Variants in LINGO2 observed in about 807,000 individuals in gnomAD.
LINGO2 encodes the protein leucine rich repeat and Ig domain containing 2.
A neutral mutation model predicts 30.6 loss-of-function variants in LINGO2; 14 were observed. The ratio of observed to expected loss-of-function variants is 0.46; its 90% CI spans 0.30 to 0.72. The LOEUF (loss-of-function observed/expected upper bound fraction) is 0.72. Among genes scored for constraint, LINGO2 ranks in the 30% least tolerant of loss-of-function variants. LINGO2 has a pLI of 0.07. For synonymous variants in LINGO2, 317 were observed against 288.5 expected (o/e 1.10, Z -1.00); for missense variants, 729 against 751.7 (o/e 0.97, Z 0.35).
upstream of LINGO2, among the ~76,000 whole-genome samples, chr9:28,672,124 C>T (rs936410692): frequency 2.0e-5 from 3 of 151,996 alleles, no homozygotes; most frequent in African/African-American, 4.8e-5. Flanking sequence ...GCTACACTTC[C>T]ATTAGGGGGA....
intron 4 of LINGO2, among the ~76,000 whole-genome samples, chr9:28,219,463 A>G (rs1332032560): frequency 6.6e-6 from 1 of 152,142 alleles, no homozygotes; most frequent in Non-Finnish European, 1.5e-5. Context: ...GTAAAATTTC[A>G]TATTATTGCT....
the LINGO2 span, among the ~76,000 whole-genome samples, chr9:29,075,449 A>G: frequency 6.6e-6 from 1 of 151,984 alleles, no homozygotes; most frequent in African/African-American, 2.4e-5. Context: ...TAATAGCTTT[A>G]ATTTTTTTAA....
chr9:28,189,996 T>C (rs988174839), intron 4 of LINGO2, among the ~76,000 whole-genome samples: 6 of 152,090 alleles, frequency 3.9e-5, no homozygotes, highest in Non-Finnish European at 8.8e-5. Flanking sequence ...CTTAGACAGG[T>C]TGCCATTAAC....
intron 1 of LINGO2, among the ~76,000 whole-genome samples, chr9:28,643,581 T>C (rs1827703575): frequency 6.6e-6 from 1 of 151,974 alleles, no homozygotes; most frequent in Admixed American, 6.6e-5. Context: ...ACCATGAAAC[T>C]ATTACAAGAA....
chr9:29,193,521 C>CT, the LINGO2 span, among the ~76,000 whole-genome samples: 2 of 152,212 alleles, frequency 1.3e-5, no homozygotes, highest in East Asian at 3.9e-4. Flanking sequence ...ATTTGTATGC[C>CT]TTTGAGGTAT....
the LINGO2 span, among the ~76,000 whole-genome samples, chr9:28,984,346 C>T: frequency 2.6e-5 from 4 of 152,054 alleles, no homozygotes; most frequent in Non-Finnish European, 4.4e-5. Context: ...ATTCAAAATG[C>T]TAAAAGTTCT....
chr9:28,741,994 C>T, the LINGO2 span, among the ~76,000 whole-genome samples: 1 of 151,722 alleles, frequency 6.6e-6, no homozygotes, highest in African/African-American at 2.4e-5. Context: ...ACTAAATCTT[C>T]AGGGCATGTC....
intron 4 of LINGO2, among the ~76,000 whole-genome samples, chr9:28,100,976 A>T (rs999909459): frequency 2.1e-4 from 32 of 152,156 alleles, no homozygotes; most frequent in Non-Finnish European, 3.5e-4. Context: ...AGATACACAG[A>T]TAAGGGTAGA....
the LINGO2 span, among the ~76,000 whole-genome samples, chr9:29,034,916 TCCTAC>T: frequency 6.6e-6 from 1 of 152,106 alleles, no homozygotes; most frequent in Admixed American, 6.6e-5. Context: ...TTTTTATTGT[TCCTAC>T]TTTAGAAAGG....
chr9:28,148,873 G>C lies in LINGO2; in HGVS notation c.-86-136468C>G, dbSNP rs1426061005. 13 of 1,533,650 alleles carry C rather than the reference G, an allele frequency of 8.5e-6. No homozygotes were observed. Among genetic ancestry groups the C allele is most frequent in the Non-Finnish European group, 1.0e-5 (12 of 1,146,518 alleles). Reference sequence around the variant, plus strand: ...GCTCTCCAGGCTTGCTGATGGTGGGGGAGGACATGCAGCCCAAGGATCCTG... The same window carrying C: ...GCTCTCCAGGCTTGCTGATGGTGGGCGAGGACATGCAGCCCAAGGATCCTG... On this transcript the variant is annotated intron_variant, in intron 4 of 5. Coordinates refer to ENST00000379992, the Ensembl canonical transcript of LINGO2. This position sits in a 1 kb window ranked among gnomAD's most constrained non-coding sequence, Gnocchi z 5.1.
At chr9:28,383,255 TG>T (rs368423721) in intron 2 of LINGO2, among the ~76,000 whole-genome samples, 99,332 of 129,922 alleles carry the variant, frequency 0.76, 34,642 homozygotes, top group Non-Finnish European at 0.82. Context: ...CACCATTCAT[TG>T]TGTGTGTGTG....
intron 4 of LINGO2, among the ~76,000 whole-genome samples, chr9:28,064,677 C>T (rs1441072417): frequency 6.6e-6 from 1 of 152,016 alleles, no homozygotes; most frequent in Non-Finnish European, 1.5e-5. Flanking sequence ...CAATTAATAC[C>T]CAAGTGAAAC....
the LINGO2 span, among the ~76,000 whole-genome samples, chr9:29,187,761 T>G: frequency 1.3e-5 from 2 of 149,148 alleles, no homozygotes; most frequent in East Asian, 3.9e-4. Context: ...CATCTGAAAA[T>G]GGGAAAGTAT....
the LINGO2 span, among the ~76,000 whole-genome samples, chr9:28,751,288 CAAAAAAA>C: frequency 3.7e-5 from 3 of 82,020 alleles, no homozygotes; most frequent in Non-Finnish European, 4.7e-5. Flanking sequence ...AAGATCCAGT[CAAAAAAA>C]AAAAAAAAAA....
At chr9:28,423,495 C>G (rs1439433515) in intron 2 of LINGO2, among the ~76,000 whole-genome samples, 3 of 152,084 alleles carry the variant, frequency 2.0e-5, no homozygotes, top group Admixed American at 2.0e-4. Context: ...TAAAGAACTA[C>G]ATATGCATCT....
the LINGO2 span, among the ~76,000 whole-genome samples, chr9:28,902,655 A>T: frequency 6.6e-6 from 1 of 152,156 alleles, no homozygotes; most frequent in Non-Finnish European, 1.5e-5. Context: ...AGTCTTAAGA[A>T]ATTTTAAAAG....
At chr9:28,404,609 G>C (rs1312434743) in intron 2 of LINGO2, among the ~76,000 whole-genome samples, 2 of 152,150 alleles carry the variant, frequency 1.3e-5, no homozygotes, top group Non-Finnish European at 2.9e-5. Context: ...TGGCTAGTGA[G>C]AGGCTAAATG....
chr9:28,219,389 T>G (rs2133890198), intron 4 of LINGO2, among the ~76,000 whole-genome samples: 1 of 152,334 alleles, frequency 6.6e-6, no homozygotes, highest in Admixed American at 6.5e-5. Flanking sequence ...ATGGATATGC[T>G]TGCCTTATTC....
chr9:28,878,160 C>T, the LINGO2 span, among the ~76,000 whole-genome samples: 1 of 151,988 alleles, frequency 6.6e-6, no homozygotes, highest in Non-Finnish European at 1.5e-5. Flanking sequence ...GGGGATATCA[C>T]CACCAATCCC....
Sources: allele counts gnomAD v4.1 joint callset (sites outside exome capture counted in the v4.1 genomes callset), GRCh38; gene constraint gnomAD v4.1.1; non-coding constraint Gnocchi (gnomAD v3.1); transcripts MANE v1.5; gene names NCBI Gene and HGNC (gene_info 2026-07-23, HGNC 2026-07-21).